The following CNNM2 variants were observed in gnomAD, a reference collection of about 807,000 sequenced individuals.
CNNM2 encodes the protein metal transporter CNNM2.
In CNNM2, 12 loss-of-function variants were observed where a neutral mutation model predicts 66.9. The ratio of observed to expected loss-of-function variants is 0.18; its 90% CI spans 0.11 to 0.29. The LOEUF (loss-of-function observed/expected upper bound fraction) is 0.29, where lower values mean the gene tolerates loss of function less well. CNNM2 is among the 10% of genes least tolerant of loss of function. The probability of loss-of-function intolerance (pLI) is 1.00; values close to 1 mark genes in which losing one functional copy is unlikely to be tolerated. For synonymous variants in CNNM2, 557 were observed against 501.8 expected (o/e 1.11, Z -1.47); for missense variants, 705 against 1,167.7 (o/e 0.60, Z 5.77).
At chr10:103,068,823 A>C (rs2065524398) in intron 5 of CNNM2, 101 bp downstream of exon 5, 3 of 943,654 alleles carry the variant, frequency 3.2e-6, no homozygotes, top group Non-Finnish European at 4.7e-6. Context: ...GACCCCATTC[A>C]CTTCCTTTTT....
chr10:103,045,997 T>C (rs1182018389), intron 1 of CNNM2, among the ~76,000 whole-genome samples: 1 of 152,188 alleles, frequency 6.6e-6, no homozygotes, highest in Non-Finnish European at 1.5e-5. Context: ...TGGGGTTTTT[T>C]CCCTCTAAGT....
intron 1 of CNNM2, among the ~76,000 whole-genome samples, chr10:102,970,481 G>A (rs777656720): frequency 7.2e-5 from 11 of 152,204 alleles, no homozygotes; most frequent in Admixed American, 7.2e-4. Flanking sequence ...TACAGCCTGC[G>A]TAGCCTAAAA....
intron 1 of CNNM2, among the ~76,000 whole-genome samples, chr10:103,017,947 G>C (rs540042302): frequency 2.8e-5 from 3 of 108,544 alleles, no homozygotes; most frequent in African/African-American, 1.0e-4. Context: ...CTGGGGGACA[G>C]AGCAAGAATC....
intron 1 of CNNM2, among the ~76,000 whole-genome samples, chr10:102,999,361 C>A (rs555745185): frequency 6.6e-6 from 1 of 151,430 alleles, no homozygotes; most frequent in Middle Eastern, 3.2e-3. Context: ...TGATTACAGG[C>A]GTGAGCCACT....
intron 1 of CNNM2, among the ~76,000 whole-genome samples, chr10:102,958,912 G>C (rs1847150853): frequency 6.6e-6 from 1 of 152,108 alleles, no homozygotes; most frequent in South Asian, 2.1e-4. Flanking sequence ...AGTTATCCAG[G>C]TTTTGGCAGT....
intron 1 of CNNM2, among the ~76,000 whole-genome samples, chr10:103,016,258 A>AT (rs1398389605): frequency 6.6e-6 from 1 of 152,088 alleles, no homozygotes; most frequent in Non-Finnish European, 1.5e-5. Flanking sequence ...TTTCTGTTGG[A>AT]TTACTGATAC....
chr10:103,033,188 TTTTTA>T (rs2064863204), intron 1 of CNNM2, among the ~76,000 whole-genome samples: 1 of 152,000 alleles, frequency 6.6e-6, no homozygotes, highest in South Asian at 2.1e-4. Flanking sequence ...ATTTATTTTA[TTTTTA>T]TTTTTATGTT....
chr10:103,011,269 A>T (rs1353705379), intron 1 of CNNM2, among the ~76,000 whole-genome samples: 2 of 152,084 alleles, frequency 1.3e-5, no homozygotes, highest in Non-Finnish European at 2.9e-5. Context: ...CTTGACCAAC[A>T]TGATGAAACC....
At chr10:103,013,522 T>A (rs1483183688) in intron 1 of CNNM2, among the ~76,000 whole-genome samples, 2 of 152,174 alleles carry the variant, frequency 1.3e-5, no homozygotes, top group Admixed American at 1.3e-4. Flanking sequence ...GAAGGCAGGC[T>A]GAGTGCTGGG....
At chr10:102,987,446 G>C (rs1313360995) in intron 1 of CNNM2, among the ~76,000 whole-genome samples, 1 of 152,002 alleles carries the variant, frequency 6.6e-6, no homozygotes, top group African/African-American at 2.4e-5. Flanking sequence ...CCAGCCTCCT[G>C]AGTAGCTGGG....
At chr10:102,993,111 A>G (rs1375194416) in intron 1 of CNNM2, among the ~76,000 whole-genome samples, 1 of 152,202 alleles carries the variant, frequency 6.6e-6, no homozygotes, top group Admixed American at 6.5e-5. Flanking sequence ...CTTGATACTC[A>G]GCACATGTTA....
At chr10:102,990,164 T>C (rs1193399862) in intron 1 of CNNM2, among the ~76,000 whole-genome samples, 1 of 152,044 alleles carries the variant, frequency 6.6e-6, no homozygotes, top group Admixed American at 6.6e-5. Context: ...TAGGGTTTCA[T>C]TATGTTGGCC....
chr10:102,957,192 C>T (rs2134198939), intron 1 of CNNM2, among the ~76,000 whole-genome samples: 1 of 152,262 alleles, frequency 6.6e-6, no homozygotes, highest in South Asian at 2.1e-4. Context: ...GTAATCCCAG[C>T]TACTTGGGAG....
At chr10:103,034,135 TA>T (rs1363127457) in intron 1 of CNNM2, among the ~76,000 whole-genome samples, 1 of 152,022 alleles carries the variant, frequency 6.6e-6, no homozygotes, top group East Asian at 1.9e-4. Context: ...GGGAGGGGGA[TA>T]ATCTTGATAG....
At chr10:102,947,454 GAA>G (rs34957371) in intron 1 of CNNM2, among the ~76,000 whole-genome samples, 2 of 151,820 alleles carry the variant, frequency 1.3e-5, no homozygotes, top group Admixed American at 1.3e-4. Flanking sequence ...GAAAAATGAA[GAA>G]AAAAAACCAC....
At chr10:102,957,302 T>C (rs1046443830) in intron 1 of CNNM2, among the ~76,000 whole-genome samples, 5 of 152,064 alleles carry the variant, frequency 3.3e-5, no homozygotes, top group Non-Finnish European at 7.4e-5. Flanking sequence ...CGAGACTCCG[T>C]CTCAAAAAAA....
chr10:102,923,239 C>T (rs1347595097), intron 1 of CNNM2, among the ~76,000 whole-genome samples: 4 of 151,962 alleles, frequency 2.6e-5, no homozygotes, highest in Non-Finnish European at 5.9e-5. Context: ...TTATTTGAGA[C>T]AGTAATTGTG....
At position 102,918,344 on chromosome 10, in the gene CNNM2, T is replaced by G; in HGVS notation, c.-137T>G. The G allele has an allele frequency of 7.1e-7, 1 of 1,402,614 alleles. No homozygotes were observed. The highest frequency in any genetic ancestry group is 9.4e-7 in the Non-Finnish European group (1 of 1,062,642). 86.9% of individuals were successfully genotyped at this position (1,402,614 alleles called of 1,614,324 possible). A position where few individuals can be genotyped will look rare whatever the true frequency, so the allele number is the denominator to read the frequency against. ...CTCGGGGTTCCTCAGCTGGCTGAGG[T>G]GGAGTCAGTGTCAGTCAGGGAGGCG... On this transcript the variant is annotated 5_prime_UTR_variant, in exon 1 of 8. Coordinates refer to ENST00000369878, the MANE Select transcript of CNNM2 (RefSeq NM_017649.5). This position sits in a 1 kb window ranked among gnomAD's most constrained non-coding sequence, Gnocchi z 4.1.
In CNNM2 at chr10:102,991,588, A is replaced by G. The variant is rs963048421; in HGVS notation, c.1622-58119A>G. On this transcript the variant is annotated intron_variant, in intron 1 of 7. Transcript: ENST00000369878. ...TTGATTCTTTCATTTCTTAAATTCC[A>G]TCGTCTGAAGTAAAGCTATACTAAT... Among the ~76,000 whole-genome samples, 71 of 152,282 alleles carry G rather than the reference A, an allele frequency of 4.7e-4. 1 individual carries two copies. Among genetic ancestry groups the G allele is most frequent in the African/African-American group, 1.6e-3 (66 of 41,566 alleles).
Sources: gnomAD v4.1 joint callset for allele counts (sites outside exome capture counted in the v4.1 genomes callset) on GRCh38, gnomAD v4.1.1 for gene constraint, Gnocchi (gnomAD v3.1) non-coding constraint, MANE v1.5 for transcripts, NCBI Gene and HGNC (gene_info 2026-07-23, HGNC 2026-07-21) for gene names.